PDXDC1: variants seen among roughly 807,000 people sequenced by gnomAD.
PDXDC1 encodes pyridoxal-dependent decarboxylase domain-containing protein 1.
In PDXDC1, 42 loss-of-function variants were observed where a neutral mutation model predicts 100.1. That is an observed-to-expected ratio of 0.42 (90% CI 0.33 to 0.54). The LOEUF is 0.54. Among genes scored for constraint, PDXDC1 ranks in the 20% least tolerant of loss-of-function variants. PDXDC1 has a pLI of 0.10. For missense variants in PDXDC1, 636 were observed against 979.2 expected (o/e 0.65, Z 4.68); for synonymous variants, 260 against 371.7 (o/e 0.70, Z 3.46).
intron 16 of PDXDC1, chr16:15,135,399 C>G: frequency 6.7e-7 from 1 of 1,482,894 alleles, no homozygotes; most frequent in East Asian, 2.5e-5. Flanking sequence ...CCGCGGGGCC[C>G]AAAGTTCAGC....
At chr16:15,049,037 GCA>G (rs2044193674) in intron 16 of PDXDC1, among the ~76,000 whole-genome samples, 1 of 145,090 alleles carries the variant, frequency 6.9e-6, no homozygotes, top group African/African-American at 2.6e-5. Flanking sequence ...GGGAGTACAG[GCA>G]CACACCGCCA....
chr16:15,029,730 A>T (rs2042913684), intron 15 of PDXDC1: 2 of 573,634 alleles, frequency 3.5e-6, no homozygotes, highest in Non-Finnish European at 6.2e-6. Context: ...CTTTTTGTTT[A>T]CTTGTATTTC....
intron 3 of PDXDC1, among the ~76,000 whole-genome samples, chr16:15,000,715 C>A (rs993427001): frequency 6.6e-6 from 1 of 152,260 alleles, no homozygotes; most frequent in African/African-American, 2.4e-5. Context: ...TGTTTTTATA[C>A]TCTAAGCAGA....
intron 16 of PDXDC1, chr16:15,060,809 A>C (rs1255252467): frequency 1.3e-5 from 2 of 152,234 alleles, no homozygotes; most frequent in Non-Finnish European, 2.9e-5. Context: ...TACACCAAAT[A>C]ATCTAAAAAA....
Position 15,010,291 on chromosome 16 carries a change from G to A in PDXDC1, c.727+532G>A, listed in dbSNP as rs1309820148. 7.0e-5 allele frequency: 11 copies of A among 156,872 alleles called. No individual in the cohort carries two copies. In the East Asian group the frequency reaches 1.5e-3, roughly 22 times the overall value. The allele number at this position is 156,872 out of a possible 1,614,324, so 9.7% of individuals were successfully genotyped here. A position where few individuals can be genotyped will look rare whatever the true frequency, so the allele number is the denominator to read the frequency against. On this transcript the variant is annotated intron_variant, in intron 8 of 22. Coordinates refer to ENST00000396410, the MANE Select transcript of PDXDC1 (RefSeq NM_015027.4). Reference sequence around the variant, plus strand: ...TCGAACTCCTGACCTCAGGTGATCCGCCTGCCTCAGCCTCCCAAATTGCTG... The same window carrying A: ...TCGAACTCCTGACCTCAGGTGATCCACCTGCCTCAGCCTCCCAAATTGCTG...
chr16:15,086,267 G>C (rs1330251316), intron 16 of PDXDC1: 1 of 1,553,186 alleles, frequency 6.4e-7, no homozygotes, highest in Non-Finnish European at 8.8e-7. Context: ...CTCTAGAGTG[G>C]GGGAAGAAAG....
intron 16 of PDXDC1, among the ~76,000 whole-genome samples, chr16:15,075,945 C>A (rs745768496): frequency 6.6e-6 from 1 of 152,178 alleles, no homozygotes; most frequent in Admixed American, 6.5e-5. Flanking sequence ...TCCAGCCCCT[C>A]CCCCTTAGAA....
chr16:15,024,114 A>C, intron 13 of PDXDC1, among the ~76,000 whole-genome samples: 1 of 152,262 alleles, frequency 6.6e-6, no homozygotes, highest in Non-Finnish European at 1.5e-5. Flanking sequence ...GTTGTTTTGG[A>C]GCATCTCTGT....
the PDXDC1 span, among the ~76,000 whole-genome samples, chr16:15,144,692 C>T: frequency 1.3e-5 from 2 of 152,182 alleles, no homozygotes; most frequent in Non-Finnish European, 2.9e-5. Context: ...TGGGCAGCCT[C>T]AGGTCCTCCC....
At chr16:15,017,008 T>C (rs2041842863) in intron 9 of PDXDC1, 112 bp from the exon 10 acceptor site, 1 of 1,205,772 alleles carries the variant, frequency 8.3e-7, no homozygotes, top group East Asian at 2.4e-5. Context: ...CTAATAACAT[T>C]AAAAATATAC....
At chr16:14,989,964 A>C in intron 1 of PDXDC1, 3 of 1,460,872 alleles carry the variant, frequency 2.1e-6, no homozygotes, top group South Asian at 2.6e-5. Flanking sequence ...GGCCGCCTCC[A>C]GGCAGGCAGA....
chr16:15,019,409 C>G (rs2042015175), intron 12 of PDXDC1, among the ~76,000 whole-genome samples: 1 of 152,282 alleles, frequency 6.6e-6, no homozygotes, highest in Non-Finnish European at 1.5e-5. Flanking sequence ...GGGGACAATT[C>G]TAATTCTCTC....
In PDXDC1 at chr16:15,036,236, T is replaced by C. The variant is rs752694149; in HGVS notation, c.2328T>C (p.Asp776=). Residue 776 remains aspartate (D), a synonymous_variant, in exon 23 of 23, where the codon GAT becomes GAC. Coordinates refer to ENST00000396410, the MANE Select transcript of PDXDC1 (RefSeq NM_015027.4). Reference sequence around the variant, plus strand: ...AGAAAGGGGTCCCACACCCAGAAGATGACCACTCACAGGTAGAAGGACCGG... The same window carrying C: ...AGAAAGGGGTCCCACACCCAGAAGACGACCACTCACAGGTAGAAGGACCGG... The part of the protein sequence containing the change: ...AFQKGVPHPE[D]DHSQVEGPES... 4 of 1,614,096 alleles carry C rather than the reference T, an allele frequency of 2.5e-6. No homozygotes were observed. The highest frequency in any genetic ancestry group is 3.4e-6 in the Non-Finnish European group (4 of 1,179,980).
At chr16:15,026,962 C>T (rs574880942) in intron 14 of PDXDC1, among the ~76,000 whole-genome samples, 337 of 152,316 alleles carry the variant, frequency 2.2e-3, no homozygotes, top group African/African-American at 7.5e-3. Flanking sequence ...GAAAGAGTTG[C>T]TTGAACATAA....
At chr16:15,137,704 G>A (rs1446759019) in intron 16 of PDXDC1, 7 of 1,130,948 alleles carry the variant, frequency 6.2e-6, no homozygotes, top group Admixed American at 5.9e-5. Context: ...CAGGGCCCAG[G>A]TCCCACCTGG....
Position 14,987,737 on chromosome 16 carries a change from G to A in PDXDC1, c.22-10016G>A, listed in dbSNP as rs539655379. 1.6e-4 allele frequency among the ~76,000 whole-genome samples: 24 copies of A among 152,360 alleles called. No individual in the cohort carries two copies. The East Asian group carries it at 4.4e-3, about 28-fold the overall frequency. On this transcript the variant is annotated intron_variant, in intron 1 of 22. Coordinates refer to ENST00000396410, the MANE Select transcript of PDXDC1 (RefSeq NM_015027.4). The stretch of plus-strand genomic sequence containing the variant: ...AGCAGTTCTCCTGCCTCAGTCTCCC[G>A]AATAGCTGGGATTACAGGCACCCCC...
intron 16 of PDXDC1, chr16:15,132,928 G>A (rs1163010143): frequency 1.9e-6 from 3 of 1,582,810 alleles, no homozygotes; most frequent in Admixed American, 1.7e-5. Flanking sequence ...ACCGGCAGGA[G>A]GCCAGCAGAT....
intron 16 of PDXDC1, chr16:15,137,289 C>T (rs536678903): frequency 6.3e-4 from 567 of 901,380 alleles, no homozygotes; most frequent in African/African-American, 5.7e-3. Context: ...AGGGTGGGGC[C>T]CCTACAGGTG....
At chr16:15,034,067 T>TACGTA in intron 19 of PDXDC1, 1 of 590,380 alleles carries the variant, frequency 1.7e-6, no homozygotes, top group South Asian at 2.1e-5. Context: ...TTTTCAAGAA[T>TACGTA]ACGTAGCAAA....
Sources: gnomAD v4.1 joint callset for allele counts (sites outside exome capture counted in the v4.1 genomes callset) on GRCh38, gnomAD v4.1.1 for gene constraint, MANE v1.5 for transcripts, NCBI Gene and HGNC (gene_info 2026-07-23, HGNC 2026-07-21) for gene names.